PPP2R5E: variants seen among roughly 807,000 people sequenced by gnomAD.
PPP2R5E encodes the protein serine/threonine-protein phosphatase 2A 56 kDa regulatory subunit epsilon isoform.
Under a neutral mutation model 65.3 loss-of-function variants are expected in PPP2R5E, and 4 were observed. That is an observed-to-expected ratio of 0.06 (90% CI 0.03 to 0.14). The LOEUF (loss-of-function observed/expected upper bound fraction) is 0.14. PPP2R5E is among the 10% of genes least tolerant of loss of function. The pLI, the probability that PPP2R5E is intolerant of heterozygous loss-of-function variation, is 1.00. For missense variants in PPP2R5E, 274 were observed against 556.1 expected, an observed-to-expected ratio of 0.49 and a Z score of 5.10; for synonymous variants, 183 against 187.4, an observed-to-expected ratio of 0.98 and a Z score of 0.19.
At chr14:63,474,085 G>C (rs1301110267) in intron 2 of PPP2R5E, among the ~76,000 whole-genome samples, 3 of 152,224 alleles carry the variant, frequency 2.0e-5, no homozygotes, top group African/African-American at 4.8e-5. Context: ...AGGGACACCA[G>C]TTAGGAGACT....
At chr14:63,472,855 T>C (rs953019392) in intron 2 of PPP2R5E, among the ~76,000 whole-genome samples, 1 of 152,106 alleles carries the variant, frequency 6.6e-6, no homozygotes, top group Non-Finnish European at 1.5e-5. Flanking sequence ...GTAACCTGGG[T>C]TTCATGTGGC....
At chr14:63,464,374 T>C (rs1198564255) in intron 2 of PPP2R5E, among the ~76,000 whole-genome samples, 1 of 152,018 alleles carries the variant, frequency 6.6e-6, no homozygotes, top group Non-Finnish European at 1.5e-5. Flanking sequence ...AAGATGACAT[T>C]TGAGCAAATA....
intron 11 of PPP2R5E, 88 bp downstream of exon 11, chr14:63,389,524 G>C (rs1200413109): frequency 3.6e-6 from 5 of 1,389,800 alleles, no homozygotes; most frequent in Middle Eastern, 5.3e-4. Flanking sequence ...ACAATAGGTA[G>C]CTAGGGTCCA....
At chr14:63,529,153 G>A (rs1027198714) in intron 2 of PPP2R5E, among the ~76,000 whole-genome samples, 3 of 152,030 alleles carry the variant, frequency 2.0e-5, no homozygotes, top group Admixed American at 1.3e-4. Context: ...TAGGAACAGG[G>A]GTCTCACTAT....
rs545076955 is a variant in PPP2R5E, at chr14:63,472,917, C to T, written c.158-19032G>A. ...GCAAACATAATGAGAAGTGTTTTAGCGGGGGCTGAAGGGAGGCAATCAAAT... is the reference window on the plus strand; with the variant it reads ...GCAAACATAATGAGAAGTGTTTTAGTGGGGGCTGAAGGGAGGCAATCAAAT... On this transcript the variant is annotated intron_variant, in intron 2 of 13. Coordinates refer to ENST00000337537, the MANE Select transcript of PPP2R5E (RefSeq NM_006246.5). 9.9e-5 allele frequency among the ~76,000 whole-genome samples: 15 copies of T among 152,174 alleles called. No homozygotes were observed. In the South Asian group the frequency reaches 1.7e-3, roughly 17 times the overall value.
chr14:63,456,781 G>A (rs541214213), intron 2 of PPP2R5E, among the ~76,000 whole-genome samples: 1 of 152,332 alleles, frequency 6.6e-6, no homozygotes, highest in Admixed American at 6.5e-5. Flanking sequence ...AACACAGGGT[G>A]TGTGCAAACA....
chr14:63,461,768 C>T (rs536674800), intron 2 of PPP2R5E, among the ~76,000 whole-genome samples: 1 of 151,932 alleles, frequency 6.6e-6, no homozygotes, highest in East Asian at 1.9e-4. Flanking sequence ...GTACTCCACC[C>T]TAGATAATAG....
intron 3 of PPP2R5E, among the ~76,000 whole-genome samples, chr14:63,430,598 A>G (rs1887622841): frequency 6.6e-6 from 1 of 152,194 alleles, no homozygotes; most frequent in Admixed American, 6.5e-5. Flanking sequence ...TTTAAATGTC[A>G]GCTCCTTTAA....
chr14:63,400,495 T>C (rs1283607342), intron 5 of PPP2R5E, among the ~76,000 whole-genome samples: 6 of 152,182 alleles, frequency 3.9e-5, no homozygotes, highest in African/African-American at 1.4e-4. Context: ...GAAGATGTTG[T>C]TAACTACAGC....
chr14:63,393,725 CAAAA>C, intron 8 of PPP2R5E, 91 bp downstream of exon 8: 2 of 872,578 alleles, frequency 2.3e-6, no homozygotes, highest in Non-Finnish European at 3.5e-6. Context: ...AAACAAAAAC[CAAAA>C]AAACAAAATG....
chr14:63,520,850 C>T (rs1892872816), intron 2 of PPP2R5E, among the ~76,000 whole-genome samples: 2 of 62,200 alleles, frequency 3.2e-5, no homozygotes, highest in East Asian at 1.6e-3. Context: ...CTCATCTCTA[C>T]TAAAAATACA....
chr14:63,468,500 C>G (rs959709876), intron 2 of PPP2R5E, among the ~76,000 whole-genome samples: 1 of 152,138 alleles, frequency 6.6e-6, no homozygotes, highest in Admixed American at 6.5e-5. Flanking sequence ...TGTCAAACTC[C>G]TGAAGGGTGA....
At chr14:63,388,696 G>A (rs895988372) in intron 11 of PPP2R5E, among the ~76,000 whole-genome samples, 1 of 152,132 alleles carries the variant, frequency 6.6e-6, no homozygotes, top group Non-Finnish European at 1.5e-5. Flanking sequence ...ATATTAACAT[G>A]TCTTTTGGTC....
At position 63,539,523 on chromosome 14, in the gene PPP2R5E, C is replaced by A. The variant is rs201403166; in HGVS notation, c.157+6G>T. ...AAAGAATGCATCACCTGGTCATGAG[C>A]CTTACCTTTTAGCAGCGGCAGAGGT... On this transcript the variant is annotated splice_donor_region_variant and intron_variant, in intron 2 of 13. Coordinates refer to ENST00000337537, the MANE Select transcript of PPP2R5E (RefSeq NM_006246.5). 9.9e-5 allele frequency: 159 copies of A among 1,612,668 alleles called. 1 individual carries two copies. In the Middle Eastern group the frequency reaches 1.2e-3, roughly 12 times the overall value.
chr14:63,402,073 T>TAAC (rs1264148467), intron 5 of PPP2R5E, among the ~76,000 whole-genome samples: 3 of 145,858 alleles, frequency 2.1e-5, no homozygotes, highest in Admixed American at 1.3e-4. Context: ...ATCATACACG[T>TAAC]TAAGTAAAGC....
intron 2 of PPP2R5E, among the ~76,000 whole-genome samples, chr14:63,536,674 T>A (rs1203687904): frequency 6.6e-6 from 1 of 152,374 alleles, no homozygotes; most frequent in African/African-American, 2.4e-5. Context: ...GTATATACAC[T>A]GAAATTATTC....
At chr14:63,461,967 CCTGTATTT>C (rs1889496224) in intron 2 of PPP2R5E, among the ~76,000 whole-genome samples, 2 of 152,086 alleles carry the variant, frequency 1.3e-5, no homozygotes, top group Admixed American at 1.3e-4. Context: ...TTTCCAAGGG[CCTGTATTT>C]GGGGATCTCT....
intron 2 of PPP2R5E, among the ~76,000 whole-genome samples, chr14:63,518,921 T>G (rs1386950345): frequency 6.6e-6 from 1 of 151,562 alleles, no homozygotes; most frequent in Non-Finnish European, 1.5e-5. Flanking sequence ...AATAAAAAAA[T>G]AAAAAAAATA....
At chr14:63,460,341 A>G (rs1889384898) in intron 2 of PPP2R5E, among the ~76,000 whole-genome samples, 1 of 152,184 alleles carries the variant, frequency 6.6e-6, no homozygotes, top group South Asian at 2.1e-4. Context: ...TCTGAACCCC[A>G]GTAGTCTTAC....
Sources: gnomAD v4.1 joint callset for allele counts (sites outside exome capture counted in the v4.1 genomes callset) on GRCh38, gnomAD v4.1.1 for gene constraint, MANE v1.5 for transcripts, NCBI Gene and HGNC (gene_info 2026-07-23, HGNC 2026-07-21) for gene names.